The following CLASP1 variants were observed in gnomAD, a reference collection of about 807,000 sequenced individuals.
The protein encoded by CLASP1 is CLIP-associating protein 1.
A neutral mutation model predicts 192.3 loss-of-function variants in CLASP1; 38 were observed. The observed-to-expected ratio is 0.20, with a 90% confidence interval of 0.15 to 0.26. The LOEUF (loss-of-function observed/expected upper bound fraction) is 0.26. Among genes scored for constraint, CLASP1 ranks in the 10% least tolerant of loss-of-function variants. The pLI is 1.00. For missense variants in CLASP1, 1,433 were observed against 1,932.5 expected (o/e 0.74, Z 4.85); for synonymous variants, 691 against 712.8 (o/e 0.97, Z 0.49).
chr2:121,573,827 A>C (rs2060202591), intron 2 of CLASP1, among the ~76,000 whole-genome samples: 2 of 152,064 alleles, frequency 1.3e-5, no homozygotes, highest in Non-Finnish European at 2.9e-5. Context: ...TAAAAGGGAG[A>C]AGGTAGCCTA....
At chr2:121,369,504 CA>C (rs369594357) in intron 34 of CLASP1, among the ~76,000 whole-genome samples, 1 of 151,090 alleles carries the variant, frequency 6.6e-6, no homozygotes, top group African/African-American at 2.4e-5. Context: ...TTAAAAAAAA[CA>C]AAAAAAGAGA....
intron 23 of CLASP1, 86 bp from the exon 25 acceptor site, chr2:121,411,055 A>C (rs1174456389): frequency 1.3e-6 from 1 of 778,272 alleles, no homozygotes; most frequent in Non-Finnish European, 2.0e-6. Context: ...CTTCCCACCA[A>C]GTAGACAGAA....
intron 26 of CLASP1, among the ~76,000 whole-genome samples, chr2:121,403,164 CT>C (rs1391619839): frequency 2.6e-5 from 4 of 152,188 alleles, no homozygotes; most frequent in African/African-American, 9.6e-5. Flanking sequence ...GTTGACTTTG[CT>C]GTGAGGGTCA....
chr2:121,616,848 A>G (rs1018523719), intron 1 of CLASP1, among the ~76,000 whole-genome samples: 2 of 152,142 alleles, frequency 1.3e-5, no homozygotes, highest in African/African-American at 4.8e-5. Context: ...ACAGGTATTG[A>G]ACTATGCTAA....
intron 24 of CLASP1, among the ~76,000 whole-genome samples, chr2:121,409,594 T>C (rs1436739551): frequency 6.6e-6 from 1 of 152,222 alleles, no homozygotes; most frequent in Non-Finnish European, 1.5e-5. Context: ...CAGTCCCTTA[T>C]GCAGTTCTTT....
chr2:121,571,204 C>T (rs1238976565), intron 2 of CLASP1, among the ~76,000 whole-genome samples: 2 of 151,922 alleles, frequency 1.3e-5, no homozygotes, highest in African/African-American at 2.4e-5. Context: ...TGGGATGGGT[C>T]TCACTCTGTC....
At chr2:121,476,145 T>C (rs191368396) in intron 8 of CLASP1, among the ~76,000 whole-genome samples, 1 of 152,288 alleles carries the variant, frequency 6.6e-6, no homozygotes, top group East Asian at 1.9e-4. Context: ...ATCCATGGCC[T>C]TAGAAGCAAA....
intron 33 of CLASP1, among the ~76,000 whole-genome samples, chr2:121,381,444 T>A (rs1382070925): frequency 6.6e-6 from 1 of 152,140 alleles, no homozygotes; most frequent in African/African-American, 2.4e-5. Context: ...TTGGACCTTA[T>A]AAAAAGCATC....
At chr2:121,373,614 A>G (rs375032877) in intron 34 of CLASP1, among the ~76,000 whole-genome samples, 2 of 152,234 alleles carry the variant, frequency 1.3e-5, no homozygotes, top group South Asian at 2.1e-4. Flanking sequence ...TGATATGGAC[A>G]GTGAAGTCCA....
chr2:121,474,814 T>C (rs575362993), intron 8 of CLASP1, among the ~76,000 whole-genome samples: 1 of 152,216 alleles, frequency 6.6e-6, no homozygotes, highest in Non-Finnish European at 1.5e-5. Flanking sequence ...GGAGGCTGCT[T>C]GTCTTTTTAC....
rs555397997 is a variant in CLASP1, at chr2:121,367,841, A to G, written c.3643-10T>C. 3.1e-6 allele frequency: 5 copies of G among 1,612,194 alleles called. No homozygotes were observed. In the African/African-American group the frequency reaches 4.0e-5, roughly 13 times the overall value. ...CCCCATCGCGGGACACCTGCAGCAC[A>G]GCACACTGTCAGTTCCCTTCTGGGA... On this transcript the variant is annotated splice_polypyrimidine_tract_variant and intron_variant, in intron 34 of 39. Transcript: ENST00000263710.
chr2:121,531,282 A>G (rs1200577836), intron 2 of CLASP1, among the ~76,000 whole-genome samples: 1 of 152,186 alleles, frequency 6.6e-6, no homozygotes, highest in Non-Finnish European at 1.5e-5. Context: ...AAGTTTCAGT[A>G]GGTCTTTGCA....
At chr2:121,407,749 G>A (rs527621463) in intron 24 of CLASP1, 34 bp from the exon 26 acceptor site, 1 of 1,613,288 alleles carries the variant, frequency 6.2e-7, no homozygotes, top group South Asian at 1.1e-5. Context: ...GAGTGATTGA[G>A]GAAGAAATAG....
intron 2 of CLASP1, among the ~76,000 whole-genome samples, chr2:121,590,012 G>A (rs936652410): frequency 2.0e-5 from 3 of 152,034 alleles, no homozygotes; most frequent in Admixed American, 6.6e-5. Flanking sequence ...AGTTAAAGGG[G>A]AAATGAGATC....
intron 1 of CLASP1, among the ~76,000 whole-genome samples, chr2:121,633,788 T>C (rs1012690170): frequency 6.6e-6 from 1 of 151,876 alleles, no homozygotes; most frequent in Non-Finnish European, 1.5e-5. Context: ...GAGTGGATCA[T>C]GAGGTCAGGA....
At chr2:121,360,759 G>A (rs2066241504) in intron 37 of CLASP1, among the ~76,000 whole-genome samples, 1 of 152,212 alleles carries the variant, frequency 6.6e-6, no homozygotes, top group Non-Finnish European at 1.5e-5. Flanking sequence ...ACTATGCAAA[G>A]CAGGAAGGCC....
At chr2:121,589,104 C>T (rs764083781) in intron 2 of CLASP1, among the ~76,000 whole-genome samples, 2 of 152,194 alleles carry the variant, frequency 1.3e-5, no homozygotes, top group East Asian at 1.9e-4. Flanking sequence ...ACGGGGCAGA[C>T]AGAAACACAG....
At chr2:121,452,889 T>A (rs1004027662) in intron 14 of CLASP1, among the ~76,000 whole-genome samples, 1 of 152,212 alleles carries the variant, frequency 6.6e-6, no homozygotes. Flanking sequence ...AGGAACCCAT[T>A]CAAGAACGCA....
chr2:121,590,759 T>C (rs779461011), intron 2 of CLASP1, among the ~76,000 whole-genome samples: 7 of 152,172 alleles, frequency 4.6e-5, no homozygotes, highest in Non-Finnish European at 8.8e-5. Flanking sequence ...CCAAGCTATA[T>C]GTATAAATCA....
Sources: gnomAD v4.1 joint callset for allele counts (sites outside exome capture counted in the v4.1 genomes callset) on GRCh38, gnomAD v4.1.1 for gene constraint, MANE v1.5 for transcripts, NCBI Gene and HGNC (gene_info 2026-07-23, HGNC 2026-07-21) for gene names.